GLYATL2: variants seen among roughly 807,000 people sequenced by gnomAD.
The protein encoded by GLYATL2 is glycine-N-acyltransferase like 2, also known as glycine N-acyltransferase-like protein 2.
GLYATL2 carries 25 observed loss-of-function variants against 21.4 expected under a neutral mutation model. The observed-to-expected ratio is 1.17, with a 90% CI of 0.85 to 1.63. The LOEUF is 1.63. GLYATL2 is among the 40% of genes most tolerant of loss of function. GLYATL2 has a pLI of 0.00. For synonymous variants in GLYATL2, 114 were observed against 118.2 expected, an observed-to-expected ratio of 0.96 and a Z score of 0.23; for missense variants, 361 against 343.3, an observed-to-expected ratio of 1.05 and a Z score of -0.41.
At chr11:58,893,955 A>C (rs1451134652) in intron 1 of GLYATL2, among the ~76,000 whole-genome samples, 1 of 152,194 alleles carries the variant, frequency 6.6e-6, no homozygotes, top group Non-Finnish European at 1.5e-5. Flanking sequence ...CTAGGTATTA[A>C]AGTTAAAGCC....
At chr11:58,881,245 A>G (rs1288175445) in intron 1 of GLYATL2, among the ~76,000 whole-genome samples, 2 of 152,198 alleles carry the variant, frequency 1.3e-5, no homozygotes, top group African/African-American at 2.4e-5. Context: ...CAAAGTGGTC[A>G]GAAAACACTT....
At chr11:58,838,138 A>C (rs1853473068) in intron 3 of GLYATL2, 123 bp downstream of exon 3, 3 of 632,990 alleles carry the variant, frequency 4.7e-6, no homozygotes, top group Non-Finnish European at 8.4e-6. Context: ...AGCCCTTCCA[A>C]AACCTGCATA....
intron 1 of GLYATL2, among the ~76,000 whole-genome samples, chr11:58,899,332 T>C (rs1854691841): frequency 6.6e-6 from 1 of 151,568 alleles, no homozygotes; most frequent in Admixed American, 6.6e-5. Context: ...TCTCAGTCAG[T>C]GTGGGGTGTT....
At chr11:58,852,500 T>C (rs1853759066) in intron 1 of GLYATL2, among the ~76,000 whole-genome samples, 1 of 152,186 alleles carries the variant, frequency 6.6e-6, no homozygotes, top group Non-Finnish European at 1.5e-5. Context: ...ATTGTTTCAT[T>C]TGGTCCTCAC....
intron 1 of GLYATL2, among the ~76,000 whole-genome samples, chr11:58,857,794 G>T (rs1218183396): frequency 6.7e-6 from 1 of 148,738 alleles, no homozygotes. Context: ...ATCTAGATAA[G>T]CACAGTGACC....
rs773319399 is a variant in GLYATL2, at chr11:58,837,367, T to C, written c.217A>G (p.Asn73Asp). The change falls in exon 4 of 6, where the codon AAC (asparagine) becomes GAC (aspartate). Residue 73 changes from asparagine to aspartate, a missense_variant. Transcript: ENST00000287275. ...GCTTTGGTGAAGATGTGGTAAGTGT[T>C]GGTATAATGATCCTGGTCATCTTTC... ...EMKDDQDHYT[N>D]TYHIFTKAPD... The C allele has an allele frequency of 1.2e-5, 20 of 1,613,514 alleles. No individual in the cohort carries two copies. The highest frequency in any genetic ancestry group is 1.6e-5 in the Non-Finnish European group (19 of 1,179,452).
chr11:58,873,825 G>GT (rs1485027420), intron 1 of GLYATL2, among the ~76,000 whole-genome samples: 1 of 152,012 alleles, frequency 6.6e-6, no homozygotes, highest in Admixed American at 6.6e-5. Context: ...AGGATTCTCT[G>GT]TTTTTTTATT....
chr11:58,890,840 G>A (rs1314332886), intron 1 of GLYATL2, among the ~76,000 whole-genome samples: 1 of 151,502 alleles, frequency 6.6e-6, no homozygotes, highest in African/African-American at 2.4e-5. Flanking sequence ...CTTACCAGAA[G>A]TATGTCCCTC....
At chr11:58,889,684 G>C (rs918714666) in intron 1 of GLYATL2, among the ~76,000 whole-genome samples, 1 of 151,690 alleles carries the variant, frequency 6.6e-6, no homozygotes, top group Non-Finnish European at 1.5e-5. Flanking sequence ...AAGATCTTCC[G>C]ATCAAAGCCA....
chr11:58,897,406 T>C (rs183006283), intron 1 of GLYATL2, among the ~76,000 whole-genome samples: 1 of 152,184 alleles, frequency 6.6e-6, no homozygotes, highest in Non-Finnish European at 1.5e-5. Context: ...AGGTCACCCC[T>C]GTGGATAACA....
intron 1 of GLYATL2, among the ~76,000 whole-genome samples, chr11:58,888,995 T>C (rs1854492437): frequency 6.7e-6 from 1 of 149,378 alleles, no homozygotes; most frequent in Non-Finnish European, 1.5e-5. Flanking sequence ...TTTGTGATAC[T>C]AAATCTTTTC....
At chr11:58,902,773 T>C (rs899714188) in intron 1 of GLYATL2, among the ~76,000 whole-genome samples, 8 of 152,222 alleles carry the variant, frequency 5.3e-5, no homozygotes, top group African/African-American at 1.9e-4. Context: ...AGATGCTTTC[T>C]GCCAAGGGAA....
At chr11:58,873,920 CT>C (rs1404764309) in intron 1 of GLYATL2, among the ~76,000 whole-genome samples, 3 of 152,068 alleles carry the variant, frequency 2.0e-5, no homozygotes, top group East Asian at 1.9e-4. Flanking sequence ...TGGTCCTGGA[CT>C]TTTTTTGGTT....
upstream of GLYATL2, chr11:58,907,479 G>GT (rs35731745): frequency 0.85 from 331,148 of 389,582 alleles, 137,570 homozygotes; most frequent in Middle Eastern, 0.9. Flanking sequence ...GCTCTTTTTT[G>GT]TTTGTTTTGT....
At chr11:58,887,337 T>C (rs1854460524) in intron 1 of GLYATL2, among the ~76,000 whole-genome samples, 1 of 152,180 alleles carries the variant, frequency 6.6e-6, no homozygotes, top group Non-Finnish European at 1.5e-5. Flanking sequence ...CACGTTTCTT[T>C]CAGTATTGAA....
chr11:58,839,019 T>C (rs73475773), intron 2 of GLYATL2, among the ~76,000 whole-genome samples: 1 of 152,306 alleles, frequency 6.6e-6, no homozygotes, highest in African/African-American at 2.4e-5. Flanking sequence ...ATTAAGAGTA[T>C]GGCAGATGAT....
At chr11:58,909,174 C>T (rs1195523328), upstream of GLYATL2, among the ~76,000 whole-genome samples, 1 of 151,992 alleles carries the variant, frequency 6.6e-6, no homozygotes, top group Admixed American at 6.6e-5. Flanking sequence ...TGAGACAGAT[C>T]CTAATGAATA....
At chr11:58,846,731 T>C (rs1439645645), upstream of GLYATL2, among the ~76,000 whole-genome samples, 5 of 152,218 alleles carry the variant, frequency 3.3e-5, no homozygotes, top group East Asian at 9.7e-4. Flanking sequence ...GTTCTCTGTG[T>C]TTCCAAGTAA....
At chr11:58,880,148 G>A (rs570542382) in intron 1 of GLYATL2, among the ~76,000 whole-genome samples, 6 of 152,288 alleles carry the variant, frequency 3.9e-5, no homozygotes, top group East Asian at 1.9e-4. Flanking sequence ...GTGAGCCACC[G>A]TGCCCGGCCA....
Sources: gnomAD v4.1 joint callset for allele counts (sites outside exome capture counted in the v4.1 genomes callset) on GRCh38, gnomAD v4.1.1 for gene constraint, MANE v1.5 for transcripts, NCBI Gene and HGNC (gene_info 2026-07-23, HGNC 2026-07-21) for gene names.